The following NPAS2 variants were observed in gnomAD, a reference collection of about 807,000 sequenced individuals.
NPAS2 encodes the protein neuronal PAS domain protein 2.
A neutral mutation model predicts 107.5 loss-of-function variants in NPAS2; 23 were observed. That is an observed-to-expected ratio of 0.21 (90% CI 0.15 to 0.30). NPAS2 has a LOEUF of 0.30. Ranked by LOEUF, NPAS2 falls within the 10% of genes least tolerant of loss-of-function variation. The probability of loss-of-function intolerance (pLI) is 1.00; values close to 1 mark genes in which losing one functional copy is unlikely to be tolerated. For synonymous variants in NPAS2, 403 were observed against 417.5 expected (o/e 0.97, Z 0.42); for missense variants, 756 against 1,043.3 (o/e 0.72, Z 3.79).
intron 1 of NPAS2, among the ~76,000 whole-genome samples, chr2:100,843,167 T>C (rs888871378): frequency 2.7e-5 from 4 of 150,228 alleles, no homozygotes; most frequent in African/African-American, 9.8e-5. Context: ...TGCAGTGAGC[T>C]GAGATCGCAC....
intron 5 of NPAS2, among the ~76,000 whole-genome samples, chr2:100,941,392 G>A (rs368504067): frequency 5.8e-4 from 88 of 152,094 alleles, no homozygotes; most frequent in South Asian, 1.0e-3. Flanking sequence ...AGCAACACCC[G>A]TCTCTACAAA....
intron 14 of NPAS2, among the ~76,000 whole-genome samples, chr2:100,977,380 A>G (rs1398854450): frequency 6.6e-6 from 1 of 152,092 alleles, no homozygotes; most frequent in Non-Finnish European, 1.5e-5. Context: ...TTGGGAGGAG[A>G]GCAACCAAAT....
intron 2 of NPAS2, among the ~76,000 whole-genome samples, chr2:100,905,641 T>G (rs1157640471): frequency 1.3e-5 from 2 of 152,094 alleles, no homozygotes; most frequent in Admixed American, 6.6e-5. Flanking sequence ...CACTCTTCAT[T>G]GCAACCCCAC....
At position 100,990,775 on chromosome 2, in the gene NPAS2, TA is replaced by T; in HGVS notation, c.2019-2del. The stretch of plus-strand genomic sequence containing the variant: ...AGTTTCCTATTTCCCCACCTCTGCT[TA>T]AAGGCTGTTGCTGAGCCAGCCCATC... On this transcript the variant is annotated splice_polypyrimidine_tract_variant and splice_region_variant and intron_variant, in intron 18 of 20. Transcript: ENST00000335681. 1 of 1,613,798 alleles carries T rather than the reference TA, an allele frequency of 6.2e-7. No homozygotes were observed. The highest frequency in any genetic ancestry group is 8.5e-7 in the Non-Finnish European group (1 of 1,179,718).
At chr2:100,880,299 G>A (rs1375675673) in intron 1 of NPAS2, among the ~76,000 whole-genome samples, 1 of 152,172 alleles carries the variant, frequency 6.6e-6, no homozygotes, top group Non-Finnish European at 1.5e-5. Context: ...GAAAACATAT[G>A]TCCCTGCAGA....
intron 1 of NPAS2, chr2:100,823,486 A>G (rs779973152): frequency 2.0e-5 from 3 of 152,150 alleles, no homozygotes; most frequent in Non-Finnish European, 4.4e-5. Context: ...AAAAAACTGT[A>G]TAAGGAGATG....
intron 12 of NPAS2, among the ~76,000 whole-genome samples, chr2:100,971,298 CAAA>C (rs35040339): frequency 3.9e-5 from 4 of 102,594 alleles, no homozygotes; most frequent in Admixed American, 1.1e-4. Flanking sequence ...GACTCTATCT[CAAA>C]AAAAAAAAAA....
chr2:100,865,527 C>T (rs1048798067), intron 1 of NPAS2, among the ~76,000 whole-genome samples: 9 of 152,194 alleles, frequency 5.9e-5, no homozygotes, highest in African/African-American at 1.9e-4. Flanking sequence ...TTGTAGGACA[C>T]CTTTGCTCAA....
intron 7 of NPAS2, among the ~76,000 whole-genome samples, chr2:100,950,739 A>G (rs191160527): frequency 6.6e-6 from 1 of 152,322 alleles, no homozygotes; most frequent in East Asian, 1.9e-4. Context: ...CTTTCTGGGA[A>G]CAGACCCATC....
chr2:100,819,494 C>G (rs555697874), upstream of NPAS2, among the ~76,000 whole-genome samples: 10 of 152,210 alleles, frequency 6.6e-5, no homozygotes, highest in Non-Finnish European at 1.2e-4. The surrounding 1 kb of genome is among the most constrained non-coding windows in gnomAD (Gnocchi z 5.8). Context: ...CCGGGCCGCA[C>G]CCCCGCCGCT....
At chr2:100,878,257 C>G in intron 1 of NPAS2, 2 of 985,344 alleles carry the variant, frequency 2.0e-6, no homozygotes, top group Non-Finnish European at 2.4e-6. Context: ...GAGGACTGTC[C>G]GAGGAGCTCG....
At chr2:100,840,177 C>A (rs1266870837) in intron 1 of NPAS2, among the ~76,000 whole-genome samples, 1 of 152,136 alleles carries the variant, frequency 6.6e-6, no homozygotes, top group Non-Finnish European at 1.5e-5. Context: ...GCTCTGGCTT[C>A]TAAGATCCTG....
intron 1 of NPAS2, among the ~76,000 whole-genome samples, chr2:100,837,305 TTTTA>T (rs1263144974): frequency 2.0e-5 from 3 of 152,126 alleles, no homozygotes; most frequent in African/African-American, 4.8e-5. Flanking sequence ...GGATTGCCAT[TTTTA>T]TTTATTTTGT....
intron 1 of NPAS2, among the ~76,000 whole-genome samples, chr2:100,844,369 A>T (rs1677639057): frequency 6.6e-6 from 1 of 152,176 alleles, no homozygotes; most frequent in Non-Finnish European, 1.5e-5. Context: ...CATATATTTT[A>T]TACTTGGAAC....
intron 1 of NPAS2, among the ~76,000 whole-genome samples, chr2:100,856,186 C>T (rs981923846): frequency 2.0e-5 from 3 of 152,350 alleles, no homozygotes; most frequent in Admixed American, 2.0e-4. Context: ...GGTAACTCTC[C>T]CTGTGGCATG....
intron 2 of NPAS2, among the ~76,000 whole-genome samples, chr2:100,906,450 T>C (rs7420866): frequency 0.64 from 97,435 of 152,102 alleles, 31,933 homozygotes; most frequent in Non-Finnish European, 0.72. Context: ...TCACCTGCAA[T>C]GTAAGGGTAG....
chr2:100,860,298 T>A (rs1446762226), intron 1 of NPAS2, among the ~76,000 whole-genome samples: 1 of 152,236 alleles, frequency 6.6e-6, no homozygotes, highest in Non-Finnish European at 1.5e-5. Flanking sequence ...TCTGTACTTC[T>A]GGCAGGAATA....
At chr2:100,877,566 G>GCCTCC (rs1425607109) in intron 1 of NPAS2, among the ~76,000 whole-genome samples, 1 of 152,036 alleles carries the variant, frequency 6.6e-6, no homozygotes, top group African/African-American at 2.4e-5. Context: ...GCAGCCTTCA[G>GCCTCC]CCTCCCCTCC....
intron 1 of NPAS2, among the ~76,000 whole-genome samples, chr2:100,894,637 A>C (rs1420297443): frequency 6.6e-6 from 1 of 152,204 alleles, no homozygotes; most frequent in Non-Finnish European, 1.5e-5. Context: ...TTCACAATAA[A>C]TGAAGTAACA....
Sources: gnomAD v4.1 joint callset for allele counts (sites outside exome capture counted in the v4.1 genomes callset) on GRCh38, gnomAD v4.1.1 for gene constraint, Gnocchi (gnomAD v3.1) non-coding constraint, MANE v1.5 for transcripts, NCBI Gene and HGNC (gene_info 2026-07-23, HGNC 2026-07-21) for gene names.